Variants in MRPL12 observed in about 807,000 individuals in gnomAD.
The protein encoded by MRPL12 is large ribosomal subunit protein bL12m.
Under a neutral mutation model 21.1 loss-of-function variants are expected in MRPL12, and 13 were observed. The observed-to-expected ratio is 0.62, with a 90% CI of 0.40 to 0.98. The LOEUF (loss-of-function observed/expected upper bound fraction) is 0.98, where lower values mean the gene tolerates loss of function less well. Ranked by LOEUF, MRPL12 falls within the 50% of genes least tolerant of loss-of-function variation. MRPL12 has a pLI of 0.00. For missense variants in MRPL12, 251 were observed against 268.6 expected, an observed-to-expected ratio of 0.93 and a Z score of 0.46; for synonymous variants, 126 against 115.3, an observed-to-expected ratio of 1.09 and a Z score of -0.60.
intron 3 of MRPL12, among the ~76,000 whole-genome samples, chr17:81,705,715 C>T (rs769781554): frequency 3.3e-5 from 5 of 152,172 alleles, no homozygotes; most frequent in Non-Finnish European, 7.4e-5. Flanking sequence ...AACTTGAAGC[C>T]GCCAGTTGCG....
In MRPL12 at chr17:81,706,992, G is replaced by A. The variant is rs2037320562; in HGVS notation, c.432G>A (p.Lys144=). The stretch of plus-strand genomic sequence containing the variant: ...AGGCGAAGCCCGTGGACAAAGTGAA[G>A]CTGATCAAGGAAATCAAGAACTACA... ...LTEAKPVDKV[K]LIKEIKNYIQ... Residue 144 remains lysine (K), a synonymous_variant, in exon 4 of 5, where the codon AAG becomes AAA. Transcript: ENST00000333676. 1 of 1,614,164 alleles carries A rather than the reference G, an allele frequency of 6.2e-7. No individual in the cohort carries two copies. The highest frequency in any genetic ancestry group is 2.2e-5 in the East Asian group (1 of 44,894).
intron 3 of MRPL12, among the ~76,000 whole-genome samples, chr17:81,704,988 G>A (rs537033612): frequency 3.8e-4 from 58 of 151,464 alleles, no homozygotes; most frequent in African/African-American, 1.2e-3. Context: ...TAATCCCAGC[G>A]CTTCGGGAGG....
chr17:81,704,667 C>CGATGG lies in MRPL12; in HGVS notation c.298_302dup (p.Gly102TrpfsTer4). The CGATGG allele has an allele frequency of 6.2e-7, 1 of 1,613,854 alleles. No individual in the cohort carries two copies. Among genetic ancestry groups the CGATGG allele is most frequent in the Non-Finnish European group, 8.5e-7 (1 of 1,179,978 alleles). ...AAGATCCAGGATGTCGGGCTTGTGC[C>CGATGG]GATGGGTGGTGTGATGTCTGGGGCT... On this transcript the variant is annotated frameshift_variant, in exon 3 of 5. Transcript: ENST00000333676. LOFTEE classifies it high-confidence loss of function.
chr17:81,704,852 C>T (rs751988864), intron 3 of MRPL12, 136 bp downstream of exon 3: 3 of 714,296 alleles, frequency 4.2e-6, no homozygotes, highest in Non-Finnish European at 7.0e-6. Flanking sequence ...ATCCTGCAGC[C>T]TCCTGGGACC....
In MRPL12 at chr17:81,707,244, C is replaced by A; in HGVS notation, c.*4C>A. The A allele has an allele frequency of 6.3e-7, 1 of 1,578,842 alleles. No homozygotes were observed. Among genetic ancestry groups the A allele is most frequent in the Non-Finnish European group, 8.6e-7 (1 of 1,161,208 alleles). On this transcript the variant is annotated 3_prime_UTR_variant, in exon 5 of 5. Coordinates refer to ENST00000333676, the MANE Select transcript of MRPL12 (RefSeq NM_002949.4). ...CGGCACCGTGGTTCTGGAGTAGCCT[C>A]CAGCTCGGAGGACTTGTGTTCAGGG...
intron 3 of MRPL12, among the ~76,000 whole-genome samples, chr17:81,705,439 C>G (rs2037304821): frequency 6.8e-6 from 1 of 147,364 alleles, no homozygotes; most frequent in African/African-American, 2.5e-5. Flanking sequence ...GAAATTATAC[C>G]AAATAGAACA....
chr17:81,703,993 T>A (rs1331517470), intron 1 of MRPL12, among the ~76,000 whole-genome samples: 1 of 152,252 alleles, frequency 6.6e-6, no homozygotes, highest in Non-Finnish European at 1.5e-5. Flanking sequence ...GTGGTATGGC[T>A]GCAAATAAAC....
At chr17:81,704,471 T>G in intron 2 of MRPL12, 41 bp downstream of exon 2, 1 of 1,594,376 alleles carries the variant, frequency 6.3e-7, no homozygotes. Context: ...GCTGGAAGTT[T>G]CAGGGCCCCT....
chr17:81,707,213 G>A lies in MRPL12; in HGVS notation c.570G>A (p.Ala190=), dbSNP rs778261617. 43 of 1,606,698 alleles carry A rather than the reference G, an allele frequency of 2.7e-5. No individual in the cohort carries two copies. Among genetic ancestry groups the A allele is most frequent in the Non-Finnish European group, 3.6e-5 (42 of 1,175,856 alleles). The change falls in exon 5 of 5, where the codon GCG becomes GCA. Residue 190 remains alanine, a synonymous_variant. Coordinates refer to ENST00000333676, the MANE Select transcript of MRPL12 (RefSeq NM_002949.4). ...EAEKIKAALE[A]VGGTVVLE ...AGAAGATCAAGGCGGCCCTGGAGGC[G>A]GTGGGCGGCACCGTGGTTCTGGAGT... is the stretch of plus-strand genomic sequence containing the variant.
intron 3 of MRPL12, 63 bp from the exon 4 acceptor site, chr17:81,706,843 G>A (rs2037318574): frequency 6.3e-7 from 1 of 1,583,906 alleles, no homozygotes; most frequent in Non-Finnish European, 8.6e-7. Flanking sequence ...TGGCCCAGCA[G>A]TGGAGGCGTT....
intron 1 of MRPL12, 49 bp from the exon 2 acceptor site, chr17:81,704,195 C>T: frequency 6.4e-7 from 1 of 1,553,452 alleles, no homozygotes; most frequent in Non-Finnish European, 8.7e-7. Flanking sequence ...TCTGCAGCCC[C>T]TTCCATTCCA....
At chr17:81,706,828 T>C in intron 3 of MRPL12, 78 bp from the exon 4 acceptor site, 1 of 1,549,644 alleles carries the variant, frequency 6.5e-7, no homozygotes, top group Non-Finnish European at 8.7e-7. Flanking sequence ...GGCTTTAGAC[T>C]GGGGTGGCCC....
At chr17:81,704,773 T>A in intron 3 of MRPL12, 57 bp downstream of exon 3, 1 of 1,418,710 alleles carries the variant, frequency 7.0e-7, no homozygotes, top group Non-Finnish European at 9.8e-7. Flanking sequence ...TGTGGCCTCA[T>A]GTGCCGTGGT....
chr17:81,703,422 C>T lies in MRPL12; in HGVS notation c.-80C>T, dbSNP rs2037275600. 3 of 1,278,870 alleles carry T rather than the reference C, an allele frequency of 2.3e-6. No individual in the cohort carries two copies. Among genetic ancestry groups the T allele is most frequent in the Non-Finnish European group, 3.1e-6 (3 of 957,124 alleles). 79.2% of individuals were successfully genotyped at this position (1,278,870 alleles called of 1,614,324 possible). On this transcript the variant is annotated 5_prime_UTR_variant, in exon 1 of 5. Coordinates refer to ENST00000333676, the MANE Select transcript of MRPL12 (RefSeq NM_002949.4). Reference sequence around the variant, plus strand: ...TGGCGGCTAGAGCGTTCCTCCCCAGCTCGAATGCCCGGCGGCCGAGGCGGC... The same window carrying T: ...TGGCGGCTAGAGCGTTCCTCCCCAGTTCGAATGCCCGGCGGCCGAGGCGGC...
chr17:81,704,629 G>T lies in MRPL12; in HGVS notation c.262-4G>T. The T allele has an allele frequency of 1.9e-6, 3 of 1,613,884 alleles. No homozygotes were observed. Among genetic ancestry groups the T allele is most frequent in the Non-Finnish European group, 2.5e-6 (3 of 1,179,962 alleles). On this transcript the variant is annotated splice_polypyrimidine_tract_variant and splice_region_variant and intron_variant, in intron 2 of 4. Coordinates refer to ENST00000333676, the MANE Select transcript of MRPL12 (RefSeq NM_002949.4). Reference sequence around the variant, plus strand: ...GCTGTGGACACTGTTCTCTATCTCTGCAGAAAACGTTGAAGATCCAGGATG... The same window carrying T: ...GCTGTGGACACTGTTCTCTATCTCTTCAGAAAACGTTGAAGATCCAGGATG...
Position 81,703,539 on chromosome 17 carries a change from G to A in MRPL12, c.38G>A (p.Cys13Tyr), listed in dbSNP as rs1275349691. ...PAAARPLWGP[C>Y]LGLRAAAFRL... The stretch of plus-strand genomic sequence containing the variant: ...GCCGCTCGCCCCCTGTGGGGGCCTT[G>A]CCTTGGGCTTCGGGCCGCTGCGTTC... The change falls in exon 1 of 5, where the codon TGC becomes TAC. Residue 13 changes from cysteine (C) to tyrosine (Y), a missense_variant. Transcript: ENST00000333676. 2 of 1,474,630 alleles carry A rather than the reference G, an allele frequency of 1.4e-6. No homozygotes were observed. The highest frequency in any genetic ancestry group is 8.9e-7 in the Non-Finnish European group (1 of 1,119,322). The allele number at this position is 1,474,630 out of a possible 1,614,324, so 91.3% of individuals were successfully genotyped here.
chr17:81,703,454 G>T lies in MRPL12; in HGVS notation c.-48G>T. ...GCCCGGCGGCCGAGGCGGCTAGAGC[G>T]TCGCCTCCTCCCGGGGAACCGCGTG... On this transcript the variant is annotated 5_prime_UTR_variant, in exon 1 of 5. Transcript: ENST00000333676. 6.8e-7 allele frequency: 1 copy of T among 1,460,602 alleles called. No individual in the cohort carries two copies. The highest frequency in any genetic ancestry group is 1.3e-5 in the South Asian group (1 of 77,820). 90.5% of individuals were successfully genotyped at this position (1,460,602 alleles called of 1,614,324 possible).
chr17:81,706,552 C>T (rs2037315921), intron 3 of MRPL12, among the ~76,000 whole-genome samples: 3 of 152,100 alleles, frequency 2.0e-5, no homozygotes, highest in South Asian at 4.1e-4. Flanking sequence ...AGTTATTGGG[C>T]AGACCTGCCT....
At chr17:81,703,919 T>G (rs2037283318) in intron 1 of MRPL12, among the ~76,000 whole-genome samples, 1 of 152,218 alleles carries the variant, frequency 6.6e-6, no homozygotes, top group Admixed American at 6.5e-5. Context: ...AAGATGCACC[T>G]AAGTAATAGT....
Sources: allele counts gnomAD v4.1 joint callset (sites outside exome capture counted in the v4.1 genomes callset), GRCh38; gene constraint gnomAD v4.1.1; transcripts MANE v1.5; gene names NCBI Gene and HGNC (gene_info 2026-07-23, HGNC 2026-07-21).